ANKRD44: variants seen among roughly 807,000 people sequenced by gnomAD.
The protein encoded by ANKRD44 is ankyrin repeat domain 44.
A neutral mutation model predicts 116.0 loss-of-function variants in ANKRD44; 35 were observed. The ratio of observed to expected loss-of-function variants is 0.30; its 90% CI spans 0.23 to 0.40. The LOEUF (loss-of-function observed/expected upper bound fraction) is 0.40. Among genes scored for constraint, ANKRD44 ranks in the 10% least tolerant of loss-of-function variants. The pLI is 1.00. For synonymous variants in ANKRD44, 435 were observed against 461.8 expected (o/e 0.94, Z 0.74); for missense variants, 1,014 against 1,242.6 (o/e 0.82, Z 2.77).
intron 16 of ANKRD44, among the ~76,000 whole-genome samples, chr2:197,031,725 T>G (rs899913096): frequency 2.0e-5 from 3 of 152,168 alleles, no homozygotes; most frequent in African/African-American, 7.2e-5. Flanking sequence ...ATTTCAAATT[T>G]GCAAATAATA....
In ANKRD44 at chr2:197,081,645, A is replaced by T. The variant is rs987307007; in HGVS notation, c.1538T>A (p.Leu513Gln). The change falls in exon 15 of 28, where the codon CTA becomes CAA. Residue 513 changes from leucine (L) to glutamine (Q), a missense_variant and splice_region_variant. By Grantham distance (113) the Leu-to-Gln change is moderately radical (BLOSUM62 -2). Coordinates refer to ENST00000282272, the MANE Select transcript of ANKRD44 (RefSeq NM_001195144.2). ...ARELKEKEAT[L>Q]CLEFLLQNDA... ...GTTCTTAAGCTGAGAAGAAACTTACAGTGTGGCTTCCTTTTCCTTCAGCTC... is the reference window on the plus strand; with the variant it reads ...GTTCTTAAGCTGAGAAGAAACTTACTGTGTGGCTTCCTTTTCCTTCAGCTC... 5.0e-6 allele frequency: 8 copies of T among 1,613,418 alleles called. No individual in the cohort carries two copies. Among genetic ancestry groups the T allele is most frequent in the Non-Finnish European group, 5.9e-6 (7 of 1,179,414 alleles).
chr2:197,100,768 T>C (rs1011054584), intron 9 of ANKRD44, among the ~76,000 whole-genome samples: 5 of 152,224 alleles, frequency 3.3e-5, no homozygotes, highest in Non-Finnish European at 5.9e-5. Context: ...ATGCCTATAT[T>C]TATAAAAACT....
chr2:197,030,261 G>GC (rs1185907777), intron 16 of ANKRD44: 2 of 152,302 alleles, frequency 1.3e-5, no homozygotes, highest in African/African-American at 4.8e-5. Flanking sequence ...AAAACAAAGA[G>GC]CCCTATGCTG....
At chr2:197,161,077 T>C (rs1293764349) in intron 2 of ANKRD44, among the ~76,000 whole-genome samples, 1 of 152,156 alleles carries the variant, frequency 6.6e-6, no homozygotes, top group East Asian at 1.9e-4. Context: ...ATTGAGCCAG[T>C]GGGACAGAAA....
At chr2:197,018,932 TC>T (rs2076442850) in intron 17 of ANKRD44, among the ~76,000 whole-genome samples, 2 of 152,136 alleles carry the variant, frequency 1.3e-5, no homozygotes, top group African/African-American at 4.8e-5. Flanking sequence ...TTGTCCAAGA[TC>T]ACTTAGTTAG....
intron 1 of ANKRD44, among the ~76,000 whole-genome samples, chr2:197,204,602 G>A (rs1403969254): frequency 1.3e-5 from 2 of 152,176 alleles, no homozygotes; most frequent in African/African-American, 4.8e-5. Flanking sequence ...GATCTTTTGA[G>A]TTTTCAAGAG....
chr2:197,192,360 A>C (rs539235219), intron 1 of ANKRD44, among the ~76,000 whole-genome samples: 3 of 152,322 alleles, frequency 2.0e-5, no homozygotes, highest in African/African-American at 7.2e-5. Context: ...CGGGAAAATA[A>C]AGACTCCAAG....
chr2:197,041,349 T>G (rs1305737606), intron 16 of ANKRD44, among the ~76,000 whole-genome samples: 1 of 152,178 alleles, frequency 6.6e-6, no homozygotes, highest in Non-Finnish European at 1.5e-5. Flanking sequence ...TACCCTCTCC[T>G]GGTTCCCATT....
intron 9 of ANKRD44, among the ~76,000 whole-genome samples, chr2:197,100,769 T>C (rs1021992479): frequency 6.6e-6 from 1 of 152,236 alleles, no homozygotes; most frequent in African/African-American, 2.4e-5. Context: ...TGCCTATATT[T>C]ATAAAAACTA....
In ANKRD44 at chr2:197,009,154, C is replaced by T. The variant is rs528633823; in HGVS notation, c.1925-123G>A. 52 of 675,914 alleles carry T rather than the reference C, an allele frequency of 7.7e-5. 2 individuals carry two copies. Among genetic ancestry groups the T allele is most frequent in the South Asian group, 7.4e-4 (44 of 59,190 alleles). The allele number at this position is 675,914 out of a possible 1,614,324, so 41.9% of individuals were successfully genotyped here. A position where few individuals can be genotyped will look rare whatever the true frequency, so the allele number is the denominator to read the frequency against. On this transcript the variant is annotated intron_variant, in intron 18 of 27. Coordinates refer to ENST00000282272, the MANE Select transcript of ANKRD44 (RefSeq NM_001195144.2). ...GTCGCCAGGCTGGAGTGCAGTGGGG[C>T]GATGTCATCTCATTGCAATCTCCAC...
chr2:197,308,085 T>C (rs924892669), intron 1 of ANKRD44, among the ~76,000 whole-genome samples: 4 of 151,030 alleles, frequency 2.6e-5, no homozygotes, highest in Non-Finnish European at 4.4e-5. Flanking sequence ...AGTGGGAGGA[T>C]GTTTGAGCCT....
chr2:197,023,203 A>G (rs998096799), intron 17 of ANKRD44, among the ~76,000 whole-genome samples: 1 of 152,234 alleles, frequency 6.6e-6, no homozygotes, highest in Admixed American at 6.5e-5. Context: ...CATCTCCACA[A>G]TGGCCCTACG....
intron 1 of ANKRD44, among the ~76,000 whole-genome samples, chr2:197,221,194 T>G (rs754052813): frequency 6.7e-6 from 1 of 149,904 alleles, no homozygotes; most frequent in African/African-American, 2.5e-5. Context: ...GAGGTTGCAG[T>G]GAGCCGAGAT....
At chr2:196,969,580 A>G (rs1380214401) in intron 21 of ANKRD44, among the ~76,000 whole-genome samples, 1 of 152,274 alleles carries the variant, frequency 6.6e-6, no homozygotes, top group Admixed American at 6.5e-5. Context: ...TAATTACAAC[A>G]GAAAGTGATA....
At chr2:197,237,731 T>C (rs1463179423) in intron 1 of ANKRD44, among the ~76,000 whole-genome samples, 1 of 152,260 alleles carries the variant, frequency 6.6e-6, no homozygotes. Context: ...GTTTTATTTA[T>C]TTTGTGATAG....
intron 2 of ANKRD44, among the ~76,000 whole-genome samples, chr2:197,171,049 G>C (rs887099869): frequency 6.6e-6 from 1 of 152,154 alleles, no homozygotes; most frequent in Non-Finnish European, 1.5e-5. Flanking sequence ...GTTTAATCAG[G>C]GCTAATGATT....
chr2:197,153,055 A>T (rs2079696515), intron 2 of ANKRD44, among the ~76,000 whole-genome samples: 1 of 151,772 alleles, frequency 6.6e-6, no homozygotes, highest in Non-Finnish European at 1.5e-5. Context: ...TAATTTTTTT[A>T]AATCAGCTGG....
At chr2:197,094,498 G>A (rs527555077) in intron 10 of ANKRD44, among the ~76,000 whole-genome samples, 1 of 152,312 alleles carries the variant, frequency 6.6e-6, no homozygotes, top group South Asian at 2.1e-4. Context: ...TTTTGAAGTT[G>A]TAATCAGGTT....
intron 15 of ANKRD44, among the ~76,000 whole-genome samples, chr2:197,079,789 T>C (rs2125130717): frequency 6.8e-6 from 1 of 148,106 alleles, no homozygotes; most frequent in Middle Eastern, 3.5e-3. Context: ...AAAATTTCTA[T>C]AGTTTACCCA....
Sources: allele counts gnomAD v4.1 joint callset (sites outside exome capture counted in the v4.1 genomes callset), GRCh38; gene constraint gnomAD v4.1.1; transcripts MANE v1.5; gene names NCBI Gene and HGNC (gene_info 2026-07-23, HGNC 2026-07-21).